The following ZNRF2 variants were observed in gnomAD, a reference collection of about 807,000 sequenced individuals.
The protein encoded by ZNRF2 is zinc and ring finger 2.
Under a neutral mutation model 20.4 loss-of-function variants are expected in ZNRF2, and 16 were observed. The observed-to-expected ratio is 0.79, with a 90% confidence interval of 0.53 to 1.19. The LOEUF is 1.19. Ranked by LOEUF, ZNRF2 falls within the 50% of genes most tolerant of loss-of-function variation. The pLI is 0.00. For synonymous variants in ZNRF2, 178 were observed against 144.9 expected, an observed-to-expected ratio of 1.23 and a Z score of -1.64; for missense variants, 363 against 332.4, an observed-to-expected ratio of 1.09 and a Z score of -0.72.
Position 30,284,779 on chromosome 7 carries a change from C to T in ZNRF2, c.-579C>T, listed in dbSNP as rs1308389530. 6 of 182,364 alleles carry T rather than the reference C, an allele frequency of 3.3e-5. No individual in the cohort carries two copies. Among genetic ancestry groups the T allele is most frequent in the Non-Finnish European group, 7.2e-5 (6 of 83,870 alleles). 11.3% of individuals were successfully genotyped at this position (182,364 alleles called of 1,614,324 possible). On this transcript the variant is annotated 5_prime_UTR_variant, in exon 1 of 5. Transcript: ENST00000323037. ...TGCCGGGAAGCGCGCGCCACCTCTC[C>T]CTCCCATTTTTCGTTCTCCCCTCGC...
intron 1 of ZNRF2, among the ~76,000 whole-genome samples, chr7:30,300,456 C>A (rs2128057556): frequency 6.6e-6 from 1 of 152,176 alleles, no homozygotes; most frequent in South Asian, 2.1e-4. Flanking sequence ...CAGAATACCC[C>A]AAATGTTTAA....
At chr7:30,355,606 C>G (rs982237424) in intron 2 of ZNRF2, 122 bp from the exon 3 acceptor site, 1 of 654,858 alleles carries the variant, frequency 1.5e-6, no homozygotes, top group Non-Finnish European at 2.6e-6. Flanking sequence ...TTATGTATTT[C>G]TGGCGAAAAG....
At chr7:30,331,291 G>A (rs774926350) in intron 2 of ZNRF2, among the ~76,000 whole-genome samples, 1 of 152,020 alleles carries the variant, frequency 6.6e-6, no homozygotes, top group East Asian at 1.9e-4. Context: ...AAAATTAACA[G>A]CTTTATTTTC....
rs115853132 is a variant in ZNRF2 at position 30,302,001 on chromosome 7, T to C, written c.469+16175T>C. Among the ~76,000 whole-genome samples, 1,010 of 152,310 alleles carry C rather than the reference T, an allele frequency of 6.6e-3. 16 individuals carry two copies. The highest frequency in any genetic ancestry group is 0.023 in the African/African-American group (971 of 41,552). ...CTCCCTGGTGTTCGCAAGGCAGTTT[T>C]CGGAATCAGAAACTCTAGAGGAATT... On this transcript the variant is annotated intron_variant, in intron 1 of 4. Coordinates refer to ENST00000323037, the MANE Select transcript of ZNRF2 (RefSeq NM_147128.4).
chr7:30,290,950 G>A (rs1166172276), intron 1 of ZNRF2, among the ~76,000 whole-genome samples: 1 of 152,214 alleles, frequency 6.6e-6, no homozygotes. Context: ...CATTGAATTT[G>A]AGAGATGGAT....
chr7:30,364,284 A>C (rs1025075592), intron 4 of ZNRF2, among the ~76,000 whole-genome samples: 6 of 152,176 alleles, frequency 3.9e-5, no homozygotes, highest in Non-Finnish European at 8.8e-5. Context: ...TGAAATGTGG[A>C]AGCCTTGGTA....
At chr7:30,348,170 A>C (rs565103040) in intron 2 of ZNRF2, among the ~76,000 whole-genome samples, 1 of 141,532 alleles carries the variant, frequency 7.1e-6, no homozygotes, top group African/African-American at 3.1e-5. Context: ...ACACTTAAAA[A>C]TGTTAAAAAA....
At chr7:30,335,362 A>G (rs944907593) in intron 2 of ZNRF2, among the ~76,000 whole-genome samples, 1 of 152,122 alleles carries the variant, frequency 6.6e-6, no homozygotes, top group East Asian at 1.9e-4. Context: ...GCTGTCCTCA[A>G]ACTTTAAAAG....
intron 1 of ZNRF2, among the ~76,000 whole-genome samples, chr7:30,316,448 T>C (rs1170679295): frequency 6.6e-6 from 1 of 152,108 alleles, no homozygotes; most frequent in Non-Finnish European, 1.5e-5. Context: ...TGATGTTTTA[T>C]AGGTTCATCA....
Position 30,285,121 on chromosome 7 carries a change from T to C in ZNRF2, c.-237T>C. The C allele has an allele frequency of 2.4e-6, 1 of 417,182 alleles. No individual in the cohort carries two copies. Among genetic ancestry groups the C allele is most frequent in the Non-Finnish European group, 4.7e-6 (1 of 213,442 alleles). The allele number at this position is 417,182 out of a possible 1,614,324, so 25.8% of individuals were successfully genotyped here. A position where few individuals can be genotyped will look rare whatever the true frequency, so the allele number is the denominator to read the frequency against. The stretch of plus-strand genomic sequence containing the variant: ...GGTGCCTGCAGCCGGGACCCCTTCC[T>C]CTCCGCGTCTCCTCGTCTCCCGCGC... On this transcript the variant is annotated 5_prime_UTR_variant, in exon 1 of 5. Transcript: ENST00000323037.
intron 2 of ZNRF2, among the ~76,000 whole-genome samples, chr7:30,330,555 C>T (rs1387041892): frequency 6.6e-6 from 1 of 152,056 alleles, no homozygotes; most frequent in African/African-American, 2.4e-5. Context: ...CATCTGGGTT[C>T]CTGTCTAACA....
chr7:30,315,727 C>CGGCGGG (rs1554294834), intron 1 of ZNRF2, among the ~76,000 whole-genome samples: 1 of 28,402 alleles, frequency 3.5e-5, no homozygotes, highest in African/African-American at 1.3e-4. Context: ...AAAGGTGGGG[C>CGGCGGG]GGGGGGGGGG....
chr7:30,319,116 A>C (rs1054613258), intron 1 of ZNRF2, among the ~76,000 whole-genome samples: 13 of 152,038 alleles, frequency 8.6e-5, no homozygotes, highest in African/African-American at 2.4e-4. Context: ...CGTCTCAAAA[A>C]AAAAAAAAAA....
intron 1 of ZNRF2, among the ~76,000 whole-genome samples, chr7:30,305,313 TC>T (rs1240065531): frequency 6.6e-6 from 1 of 152,188 alleles, no homozygotes; most frequent in Non-Finnish European, 1.5e-5. Flanking sequence ...GTACTTATTT[TC>T]TGAAGCTTCG....
chr7:30,310,723 G>A (rs1054680529), intron 1 of ZNRF2, among the ~76,000 whole-genome samples: 3 of 152,174 alleles, frequency 2.0e-5, no homozygotes, highest in Admixed American at 1.3e-4. Context: ...GCACCTGATA[G>A]CCATTTTCTT....
chr7:30,362,230 T>C (rs962082608), intron 3 of ZNRF2, 147 bp from the exon 4 acceptor site: 1 of 469,748 alleles, frequency 2.1e-6, no homozygotes, highest in Non-Finnish European at 3.8e-6. Flanking sequence ...AACATTCTTA[T>C]CTGTTGCTTA....
chr7:30,346,440 C>T (rs888839914), intron 2 of ZNRF2, among the ~76,000 whole-genome samples: 1 of 151,894 alleles, frequency 6.6e-6, no homozygotes, highest in African/African-American at 2.4e-5. Context: ...CCGCCTGCCT[C>T]GGTCTCCCAA....
At chr7:30,330,120 C>A (rs570300723) in intron 2 of ZNRF2, among the ~76,000 whole-genome samples, 1 of 152,062 alleles carries the variant, frequency 6.6e-6, no homozygotes, top group Non-Finnish European at 1.5e-5. Flanking sequence ...TCAGTTTTTA[C>A]TTTAGACTTC....
At chr7:30,335,503 T>C (rs1412838688) in intron 2 of ZNRF2, among the ~76,000 whole-genome samples, 1 of 152,184 alleles carries the variant, frequency 6.6e-6, no homozygotes, top group Non-Finnish European at 1.5e-5. Context: ...AGCATAGCTA[T>C]GACTCAGCCC....
Sources: gnomAD v4.1 joint callset for allele counts (sites outside exome capture counted in the v4.1 genomes callset) on GRCh38, gnomAD v4.1.1 for gene constraint, MANE v1.5 for transcripts, NCBI Gene and HGNC (gene_info 2026-07-23, HGNC 2026-07-21) for gene names.